The following ERBB2 variants were observed in gnomAD, a reference collection of about 807,000 sequenced individuals.
ERBB2 encodes erb-b2 receptor tyrosine kinase 2.
Under a neutral mutation model 149.0 loss-of-function variants are expected in ERBB2, and 61 were observed. The observed-to-expected ratio is 0.41, with a 90% CI of 0.33 to 0.51. ERBB2 has a LOEUF of 0.51. Among genes scored for constraint, ERBB2 ranks in the 20% least tolerant of loss-of-function variants. The probability of loss-of-function intolerance (pLI) is 0.25; values close to 1 mark genes in which losing one functional copy is unlikely to be tolerated. For synonymous variants in ERBB2, 633 were observed against 678.8 expected (o/e 0.93, Z 1.05); for missense variants, 1,205 against 1,655.1 (o/e 0.73, Z 4.72).
chr17:39,708,991 T>C (rs905901174), intron 3 of ERBB2, among the ~76,000 whole-genome samples: 11 of 151,986 alleles, frequency 7.2e-5, no homozygotes, highest in Non-Finnish European at 1.6e-4. Flanking sequence ...AGCTAGTGAG[T>C]GATGGGGCTG....
intron 1 of ERBB2, chr17:39,703,119 A>G (rs2058206269): frequency 6.6e-6 from 1 of 152,378 alleles, no homozygotes; most frequent in Non-Finnish European, 1.5e-5. Context: ...CTGTCCAGCC[A>G]ATGCCTGTCT....
intron 1 of ERBB2, among the ~76,000 whole-genome samples, chr17:39,700,817 C>G (rs573650201): frequency 1.5e-4 from 23 of 151,906 alleles, no homozygotes; most frequent in Admixed American, 1.2e-3. Flanking sequence ...CTGGCGGGGT[C>G]GGGTGTGTGT....
chr17:39,708,232 C>A, intron 2 of ERBB2, 89 bp from the exon 3 acceptor site: 1 of 992,632 alleles, frequency 1.0e-6, no homozygotes, highest in Non-Finnish European at 1.5e-6. Context: ...GGGGCCTTGC[C>A]CAAGATCTCC....
chr17:39,709,766 C>T (rs758353036), intron 4 of ERBB2, 47 bp from the exon 5 acceptor site: 154 of 1,546,780 alleles, frequency 1.0e-4, no homozygotes, highest in Non-Finnish European at 1.2e-4. Context: ...CCCGTCCTCT[C>T]GCTGTTAGAC....
chr17:39,721,328 C>T (rs780241680), intron 16 of ERBB2, among the ~76,000 whole-genome samples: 2 of 146,824 alleles, frequency 1.4e-5, no homozygotes, highest in Non-Finnish European at 3.0e-5. Flanking sequence ...TGCAATGACA[C>T]GATCTTGGCT....
chr17:39,714,772 C>CTT (rs1305856787), intron 9 of ERBB2, among the ~76,000 whole-genome samples: 7 of 136,238 alleles, frequency 5.1e-5, no homozygotes, highest in Non-Finnish European at 8.1e-5. Flanking sequence ...GATTTCTTTT[C>CTT]TTTTTTTTTT....
chr17:39,717,295 C>A (rs199730913), intron 14 of ERBB2, 25 bp from the exon 15 acceptor site: 159 of 1,578,324 alleles, frequency 1.0e-4, no homozygotes, highest in Non-Finnish European at 1.3e-4. Context: ...GCCAGCCCCC[C>A]ACAAATCTTT....
chr17:39,700,727 T>TG (rs908478196), intron 1 of ERBB2, among the ~76,000 whole-genome samples: 17 of 151,744 alleles, frequency 1.1e-4, no homozygotes, highest in African/African-American at 2.9e-4. Flanking sequence ...CTGGATTCCT[T>TG]GGGGGGGTCC....
upstream of ERBB2, chr17:39,694,908 G>A (rs2057826581): frequency 6.6e-6 from 1 of 152,328 alleles, no homozygotes; most frequent in Admixed American, 6.5e-5. Flanking sequence ...CAAGTATGGG[G>A]GTTGAAGGGG....
upstream of ERBB2, among the ~76,000 whole-genome samples, chr17:39,697,583 C>T (rs368889959): frequency 3.3e-5 from 5 of 151,914 alleles, no homozygotes; most frequent in African/African-American, 4.8e-5. Context: ...ACCAAACTCC[C>T]GACCTCAGGT....
chr17:39,697,162 C>T (rs1444725410), upstream of ERBB2, among the ~76,000 whole-genome samples: 3 of 152,076 alleles, frequency 2.0e-5, no homozygotes, highest in Non-Finnish European at 4.4e-5. Context: ...ACCCTAACAC[C>T]AGCTCAAGAG....
chr17:39,712,112 A>G, intron 8 of ERBB2, 65 bp downstream of exon 8: 5 of 1,610,696 alleles, frequency 3.1e-6, no homozygotes, highest in East Asian at 4.5e-5. Flanking sequence ...AGCCTGGCCC[A>G]GCCCACCCTG....
At chr17:39,699,441 A>C, upstream of ERBB2, 1 of 1,028,054 alleles carries the variant, frequency 9.7e-7, no homozygotes, top group East Asian at 2.7e-5. Context: ...AGCCTGGGCA[A>C]CAAGAGCAAA....
rs1030353447 is a variant in ERBB2 at position 39,728,528 on chromosome 17, C to T, written c.*484C>T. On this transcript the variant is annotated 3_prime_UTR_variant, in exon 27 of 27. Coordinates refer to ENST00000269571, the MANE Select transcript of ERBB2 (RefSeq NM_004448.4). The stretch of plus-strand genomic sequence containing the variant: ...AGAGTGCTTTTCTGTTTAGTTTTTA[C>T]TTTTTTTGTTTTGTTTTTTTAAAGA... 4 of 236,142 alleles carry T rather than the reference C, an allele frequency of 1.7e-5. No homozygotes were observed. Among genetic ancestry groups the T allele is most frequent in the Non-Finnish European group, 2.5e-5 (3 of 120,278 alleles). 14.6% of individuals were successfully genotyped at this position (236,142 alleles called of 1,614,324 possible).
intron 2 of ERBB2, among the ~76,000 whole-genome samples, chr17:39,688,998 C>T (rs1403138495): frequency 6.6e-6 from 1 of 152,108 alleles, no homozygotes; most frequent in Non-Finnish European, 1.5e-5. Context: ...TGCTCACCTC[C>T]CCTGCACTCC....
At position 39,725,580 on chromosome 17, in the gene ERBB2, G is replaced by A. The variant is rs1028351577; in HGVS notation, c.2726-127G>A. 6 of 1,243,954 alleles carry A rather than the reference G, an allele frequency of 4.8e-6. No homozygotes were observed. The highest frequency in any genetic ancestry group is 6.8e-6 in the Non-Finnish European group (6 of 885,764). 77.1% of individuals were successfully genotyped at this position (1,243,954 alleles called of 1,614,324 possible). On this transcript the variant is annotated intron_variant, in intron 22 of 26. Coordinates refer to ENST00000269571, the MANE Select transcript of ERBB2 (RefSeq NM_004448.4). This position sits in a 1 kb window ranked among gnomAD's most constrained non-coding sequence, Gnocchi z 4.6. ...CAGGATTAGGGAAAGACCGGGTAGG[G>A]TCTGTCTCCTGGCATCACATCTCCC...
At chr17:39,692,957 G>C (rs1229157354), upstream of ERBB2, among the ~76,000 whole-genome samples, 3 of 152,134 alleles carry the variant, frequency 2.0e-5, no homozygotes, top group African/African-American at 7.2e-5. Context: ...AGCTGGTTGG[G>C]AGGCTGAGGT....
At chr17:39,697,036 GGC>G, upstream of ERBB2, among the ~76,000 whole-genome samples, 1 of 152,254 alleles carries the variant, frequency 6.6e-6, no homozygotes, top group East Asian at 1.9e-4. Flanking sequence ...CCAGGTCCTG[GGC>G]TGGATGATGG....
At chr17:39,721,260 T>C (rs918205526) in intron 16 of ERBB2, among the ~76,000 whole-genome samples, 1 of 126,016 alleles carries the variant, frequency 7.9e-6, no homozygotes, top group African/African-American at 3.0e-5. Context: ...ATGAGCCAAG[T>C]CTTTTTTTTT....
Sources: allele counts gnomAD v4.1 joint callset (sites outside exome capture counted in the v4.1 genomes callset), GRCh38; gene constraint gnomAD v4.1.1; non-coding constraint Gnocchi (gnomAD v3.1); transcripts MANE v1.5; gene names NCBI Gene and HGNC (gene_info 2026-07-23, HGNC 2026-07-21).